RERE: variants seen among roughly 807,000 people sequenced by gnomAD.
RERE encodes arginine-glutamic acid dipeptide repeats protein.
A neutral mutation model predicts 146.1 loss-of-function variants in RERE; 40 were observed. That is an observed-to-expected ratio of 0.27 (90% CI 0.21 to 0.36). The LOEUF is 0.36. Among genes scored for constraint, RERE ranks in the 10% least tolerant of loss-of-function variants. The pLI is 1.00. For missense variants in RERE, 1,933 were observed against 2,138.7 expected (o/e 0.90, Z 1.90); for synonymous variants, 1,003 against 866.0 (o/e 1.16, Z -2.78).
chr1:8,570,449 A>G (rs948652264), intron 4 of RERE, among the ~76,000 whole-genome samples: 1 of 152,202 alleles, frequency 6.6e-6, no homozygotes, highest in African/African-American at 2.4e-5. Context: ...ACAAATAACT[A>G]TAATTTTTAG....
At chr1:8,770,902 G>A (rs1211060198) in intron 1 of RERE, among the ~76,000 whole-genome samples, 1 of 152,210 alleles carries the variant, frequency 6.6e-6, no homozygotes, top group East Asian at 1.9e-4. Flanking sequence ...TTGAAAACAG[G>A]CCAAATTATA....
chr1:8,769,964 GT>G (rs1010525016), intron 1 of RERE, among the ~76,000 whole-genome samples: 2 of 151,922 alleles, frequency 1.3e-5, no homozygotes, highest in Non-Finnish European at 2.9e-5. Context: ...AATTCTTTGT[GT>G]TTTTAGTTGA....
intron 12 of RERE, among the ~76,000 whole-genome samples, chr1:8,417,044 AT>A (rs1305528480): frequency 6.6e-6 from 1 of 152,234 alleles, no homozygotes. Flanking sequence ...GCCGTGACAC[AT>A]TTGCACATTC....
intron 7 of RERE, among the ~76,000 whole-genome samples, chr1:8,540,076 A>T (rs948089786): frequency 7.2e-5 from 11 of 151,924 alleles, no homozygotes; most frequent in Admixed American, 5.9e-4. Context: ...AGTATTATTT[A>T]TTATTTATTT....
chr1:8,529,752 GTCCTCCTCC>G (rs923495195), intron 7 of RERE, among the ~76,000 whole-genome samples: 2 of 151,834 alleles, frequency 1.3e-5, no homozygotes, highest in Admixed American at 6.6e-5. Flanking sequence ...TATAGGATCA[GTCCTCCTCC>G]TCCTCCTCCT....
intron 2 of RERE, among the ~76,000 whole-genome samples, chr1:8,634,759 G>A (rs1030614386): frequency 1.3e-5 from 2 of 151,976 alleles, no homozygotes; most frequent in African/African-American, 2.4e-5. Context: ...ATTTAGAGAC[G>A]GAGTCTTGCT....
At chr1:8,603,118 T>C (rs1043654537) in intron 4 of RERE, among the ~76,000 whole-genome samples, 2 of 152,266 alleles carry the variant, frequency 1.3e-5, no homozygotes, top group African/African-American at 4.8e-5. Context: ...TTTCAATGTA[T>C]ACCTTAATAT....
At chr1:8,581,861 T>C (rs1646369781) in intron 4 of RERE, among the ~76,000 whole-genome samples, 1 of 152,208 alleles carries the variant, frequency 6.6e-6, no homozygotes, top group Non-Finnish European at 1.5e-5. Context: ...ATATACCTCA[T>C]ATTTACATGA....
At position 8,454,462 on chromosome 1, in the gene RERE, TCC is replaced by T. The variant is rs1644426529; in HGVS notation, c.1203+11461_1203+11462del. On this transcript the variant is annotated intron_variant, in intron 11 of 22. Coordinates refer to ENST00000400908, the MANE Select transcript of RERE (RefSeq NM_001042681.2). ...CACAGCTGCCAGCACCTCAGAATTT[TCC>T]CCTTCCCTTTCCTTCTCCTTTTCCT... Among the ~76,000 whole-genome samples the T allele has an allele frequency of 2.6e-5, 4 of 152,148 alleles. No individual in the cohort carries two copies. In the South Asian group the frequency reaches 8.3e-4, roughly 32 times the overall value.
intron 7 of RERE, among the ~76,000 whole-genome samples, chr1:8,533,482 G>T (rs1281176379): frequency 6.6e-6 from 1 of 152,104 alleles, no homozygotes; most frequent in Non-Finnish European, 1.5e-5. Context: ...GGATCCTACA[G>T]GATCTTGGAT....
intron 1 of RERE, among the ~76,000 whole-genome samples, chr1:8,793,309 A>C (rs911245160): frequency 6.6e-6 from 1 of 151,694 alleles, no homozygotes; most frequent in Non-Finnish European, 1.5e-5. Context: ...TCTAAGGCTC[A>C]GAAATCACTA....
At chr1:8,607,547 T>TTTTTTTTTTTTTTTTTTTTTTTTTTTTTA (rs1433540647) in intron 4 of RERE, among the ~76,000 whole-genome samples, 1 of 101,180 alleles carries the variant, frequency 9.9e-6, no homozygotes, top group East Asian at 3.3e-4. Flanking sequence ...TTTTTTTTTT[T>TTTTTTTTTTTTTTTTTTTTTTTTTTTTTA]TTTTTTTTTT....
chr1:8,600,569 G>A (rs1202971962), intron 4 of RERE, among the ~76,000 whole-genome samples: 1 of 152,110 alleles, frequency 6.6e-6, no homozygotes, highest in Non-Finnish European at 1.5e-5. Context: ...GGAAGTGATA[G>A]CGAAATCAGT....
At chr1:8,695,860 T>C (rs1351738921) in intron 1 of RERE, among the ~76,000 whole-genome samples, 1 of 152,062 alleles carries the variant, frequency 6.6e-6, no homozygotes, top group African/African-American at 2.4e-5. Context: ...CCAGAATCTA[T>C]AAGGAACTTT....
At chr1:8,419,833 G>A (rs1193978687) in intron 12 of RERE, among the ~76,000 whole-genome samples, 3 of 152,166 alleles carry the variant, frequency 2.0e-5, no homozygotes, top group Non-Finnish European at 4.4e-5. Context: ...TCATCACTTC[G>A]TTCTCAGGCA....
chr1:8,680,234 A>T (rs1638933321), intron 1 of RERE, among the ~76,000 whole-genome samples: 1 of 152,192 alleles, frequency 6.6e-6, no homozygotes, highest in Admixed American at 6.5e-5. Context: ...CTAAAAGAAA[A>T]AAAAATACAT....
intron 11 of RERE, among the ~76,000 whole-genome samples, chr1:8,434,448 C>T (rs1242945735): frequency 1.3e-5 from 2 of 152,204 alleles, no homozygotes; most frequent in African/African-American, 4.8e-5. Flanking sequence ...ACAAATCAAA[C>T]CACACATACC....
rs58064164 is a variant in RERE at position 8,516,227 on chromosome 1, G to GAAAAAAAAAAAAAAAAAAAAAAAAAAAA, written c.831-7553_831-7552insTTTTTTTTTTTTTTTTTTTTTTTTTTTT. ...GGGACGGAGCAAGACTCTCTCAGAGGAAAAAAAAAAAAAAAAAAAAAATCT... is the reference window on the plus strand; with the variant it reads ...GGGACGGAGCAAGACTCTCTCAGAGGAAAAAAAAAAAAAAAAAAAAAAAAAAAAAAAAAAAAAAAAAAAAAAAAAATCT... On this transcript the variant is annotated intron_variant, in intron 7 of 22. Transcript: ENST00000400908. Among the ~76,000 whole-genome samples, 13 of 52,306 alleles carry GAAAAAAAAAAAAAAAAAAAAAAAAAAAA rather than the reference G, an allele frequency of 2.5e-4. 2 individuals are homozygous for GAAAAAAAAAAAAAAAAAAAAAAAAAAAA. The highest frequency in any genetic ancestry group is 6.0e-4 in the Admixed American group (2 of 3,342). 34.3% of individuals were successfully genotyped at this position (52,306 alleles called of 152,430 possible).
intron 11 of RERE, among the ~76,000 whole-genome samples, chr1:8,453,529 G>C (rs1290883254): frequency 1.3e-5 from 2 of 152,160 alleles, no homozygotes; most frequent in African/African-American, 4.8e-5. Flanking sequence ...CCTTAGGCCG[G>C]GCATGGCGGC....
Sources: allele counts gnomAD v4.1 joint callset (sites outside exome capture counted in the v4.1 genomes callset), GRCh38; gene constraint gnomAD v4.1.1; transcripts MANE v1.5; gene names NCBI Gene and HGNC (gene_info 2026-07-23, HGNC 2026-07-21).